The following LETM1 variants were observed in gnomAD, a reference collection of about 807,000 sequenced individuals.
LETM1 encodes mitochondrial proton/calcium exchanger protein.
Under a neutral mutation model 74.5 loss-of-function variants are expected in LETM1, and 50 were observed. The ratio of observed to expected loss-of-function variants is 0.67; its 90% CI spans 0.53 to 0.85. The LOEUF (loss-of-function observed/expected upper bound fraction) is 0.85. Among genes scored for constraint, LETM1 ranks in the 40% least tolerant of loss-of-function variants. The probability of loss-of-function intolerance (pLI) is 0.00; values close to 1 mark genes in which losing one functional copy is unlikely to be tolerated. For synonymous variants in LETM1, 446 were observed against 407.1 expected, an observed-to-expected ratio of 1.10 and a Z score of -1.15; for missense variants, 824 against 967.8, an observed-to-expected ratio of 0.85 and a Z score of 1.97.
chr4:1,823,579 C>T, intron 8 of LETM1, 65 bp downstream of exon 8: 2 of 1,597,260 alleles, frequency 1.3e-6, no homozygotes, highest in South Asian at 1.1e-5. Context: ...ACACCTCCCC[C>T]CACCCCAGAA....
At chr4:1,849,969 C>T (rs531694235) in intron 1 of LETM1, among the ~76,000 whole-genome samples, 2 of 152,302 alleles carry the variant, frequency 1.3e-5, no homozygotes, top group Admixed American at 1.3e-4. Flanking sequence ...CCAGCTTGAC[C>T]AGCGGTGAAA....
At chr4:1,814,617 C>A in intron 13 of LETM1, 44 bp from the exon 14 acceptor site, 4 of 1,574,728 alleles carry the variant, frequency 2.5e-6, no homozygotes, top group Non-Finnish European at 3.5e-6. Flanking sequence ...CTGCGCCCTA[C>A]AGCACAGTGA....
chr4:1,823,442 C>T (rs1430017022), intron 8 of LETM1, among the ~76,000 whole-genome samples: 3 of 132,172 alleles, frequency 2.3e-5, no homozygotes, highest in South Asian at 2.7e-4. Context: ...CTGTGCCACA[C>T]GGGGGATGGC....
chr4:1,841,601 C>T lies in LETM1; in HGVS notation c.340G>A (p.Val114Ile). Residue 114 changes from valine to isoleucine, a missense_variant, in exon 3 of 14, where the codon GTT becomes ATT. Transcript: ENST00000302787. ...TTCTCTACTACCGAGTCATCGCGAA[C>T]AGGGCGCGAAGAGTGCCAGCCACGC... ...PVRGWHSSRP[V>I]RDDSVVEKSL... The T allele has an allele frequency of 6.2e-7, 1 of 1,614,214 alleles. No individual in the cohort carries two copies. Among genetic ancestry groups the T allele is most frequent in the Non-Finnish European group, 8.5e-7 (1 of 1,180,042 alleles).
In LETM1 at chr4:1,841,380, G is replaced by A. The variant is rs201088347; in HGVS notation, c.561C>T (p.Asn187=). ...GCTCCCGGCGGGTCAGGCTGTGGCCGTTGAGGATGCGCCAGAGCATGCGTG... is the reference window on the plus strand; with the variant it reads ...GCTCCCGGCGGGTCAGGCTGTGGCCATTGAGGATGCGCCAGAGCATGCGTG... The part of the protein sequence containing the change: ...IAARMLWRIL[N]GHSLTRRERR... The change falls in exon 3 of 14, where the codon AAC becomes AAT. Residue 187 remains asparagine, a synonymous_variant. Coordinates refer to ENST00000302787, the MANE Select transcript of LETM1 (RefSeq NM_012318.3). 2.0e-5 allele frequency: 32 copies of A among 1,613,636 alleles called. No homozygotes were observed. In the East Asian group the frequency reaches 2.0e-4, roughly 10 times the overall value.
Position 1,837,311 on chromosome 4 carries a change from G to A in LETM1, c.595-739C>T, listed in dbSNP as rs73799012. On this transcript the variant is annotated intron_variant, in intron 3 of 13. Transcript: ENST00000302787. Reference sequence around the variant, plus strand: ...CCTCCTCCTCATCAGCCTCTCTCCCGACCCCGCGCTCATTGAGCCAGCCTC... The same window carrying A: ...CCTCCTCCTCATCAGCCTCTCTCCCAACCCCGCGCTCATTGAGCCAGCCTC... Among the ~76,000 whole-genome samples, 1,086 of 152,136 alleles carry A rather than the reference G, an allele frequency of 7.1e-3. 13 individuals are homozygous for A. The highest frequency in any genetic ancestry group is 0.025 in the African/African-American group (1,037 of 41,496).
At chr4:1,815,510 G>A (rs1008081792) in intron 13 of LETM1, among the ~76,000 whole-genome samples, 154 bp downstream of exon 13, 2 of 152,196 alleles carry the variant, frequency 1.3e-5, no homozygotes, top group Non-Finnish European at 2.9e-5. Flanking sequence ...TGAGAGCAGC[G>A]GCTTAAAGGA....
chr4:1,833,443 G>A (rs376405308), intron 5 of LETM1: 17 of 172,034 alleles, frequency 9.9e-5, no homozygotes, highest in South Asian at 7.0e-4. Context: ...TGGGGGAGAC[G>A]CCCGGGCCCA....
At chr4:1,838,160 C>T (rs534113142) in intron 3 of LETM1, among the ~76,000 whole-genome samples, 2 of 151,850 alleles carry the variant, frequency 1.3e-5, no homozygotes, top group East Asian at 1.9e-4. Context: ...GTGCAGTGGG[C>T]GCGATCTCGG....
intron 2 of LETM1, among the ~76,000 whole-genome samples, chr4:1,848,931 T>C (rs1444597174): frequency 6.6e-6 from 1 of 152,086 alleles, no homozygotes; most frequent in Non-Finnish European, 1.5e-5. Context: ...CAAGTGCAAC[T>C]GGGCACTGAG....
intron 1 of LETM1, among the ~76,000 whole-genome samples, chr4:1,855,288 A>G (rs552312909): frequency 6.6e-6 from 1 of 152,366 alleles, no homozygotes; most frequent in South Asian, 2.1e-4. Flanking sequence ...TTCACTCCAG[A>G]CAGCACCTGA....
At chr4:1,832,068 A>T (rs1712291055) in intron 6 of LETM1, among the ~76,000 whole-genome samples, 1 of 152,200 alleles carries the variant, frequency 6.6e-6, no homozygotes, top group African/African-American at 2.4e-5. Flanking sequence ...TGGGAGGCCG[A>T]TGTGGGCAGA....
intron 2 of LETM1, among the ~76,000 whole-genome samples, 161 bp downstream of exon 2, chr4:1,848,988 C>T (rs1577327908): frequency 6.6e-6 from 1 of 152,256 alleles, no homozygotes; most frequent in East Asian, 1.9e-4. Context: ...AGGCATGTGA[C>T]AATCATTTTC....
At chr4:1,829,678 G>A (rs1248713456) in intron 6 of LETM1, among the ~76,000 whole-genome samples, 3 of 152,152 alleles carry the variant, frequency 2.0e-5, no homozygotes, top group African/African-American at 4.8e-5. Context: ...AAAACTAGCC[G>A]GTGTGGTGGC....
In LETM1 at chr4:1,834,838, A is replaced by T; in HGVS notation, c.876+7T>A. 6.2e-7 allele frequency: 1 copy of T among 1,614,054 alleles called. No homozygotes were observed. The highest frequency in any genetic ancestry group is 8.5e-7 in the Non-Finnish European group (1 of 1,179,940). The stretch of plus-strand genomic sequence containing the variant: ...GAGGTCACAGGGACTCAGACGTATC[A>T]CAGCACCTTCTGGAAAAACACAGAG... On this transcript the variant is annotated splice_region_variant and intron_variant, in intron 5 of 13. Coordinates refer to ENST00000302787, the MANE Select transcript of LETM1 (RefSeq NM_012318.3). The surrounding 1 kb of genome is among the most constrained non-coding windows in gnomAD (Gnocchi z 5.0).
chr4:1,814,374 C>A lies in LETM1; in HGVS notation c.*50G>T. ...CCACAAAGCAATCGCCCTCACGGCC[C>A]TTGCCAGGGTGACGGCACAGCAGGA... is the stretch of plus-strand genomic sequence containing the variant. On this transcript the variant is annotated 3_prime_UTR_variant, in exon 14 of 14. Transcript: ENST00000302787. 6.2e-7 allele frequency: 1 copy of A among 1,612,878 alleles called. No individual in the cohort carries two copies. The highest frequency in any genetic ancestry group is 8.5e-7 in the Non-Finnish European group (1 of 1,178,988).
At chr4:1,838,413 A>G (rs11940992) in intron 3 of LETM1, among the ~76,000 whole-genome samples, 8,053 of 152,136 alleles carry the variant, frequency 0.053, 712 homozygotes, top group African/African-American at 0.18. Flanking sequence ...TATCTTTAAA[A>G]AGGAAGGCCT....
chr4:1,825,713 G>C (rs755173436), intron 6 of LETM1, 30 bp from the exon 7 acceptor site: 2 of 1,588,214 alleles, frequency 1.3e-6, no homozygotes, highest in South Asian at 2.2e-5. Context: ...ATTATCATCT[G>C]GGACAGTTGC....
At position 1,815,052 on chromosome 4, in the gene LETM1, C is replaced by T. The variant is rs188464463; in HGVS notation, c.2071-479G>A. On this transcript the variant is annotated intron_variant, in intron 13 of 13. Transcript: ENST00000302787. Reference sequence around the variant, plus strand: ...AAAATCACTAACCTGATGCATGCACCGGGAGCCACGAGGCAGCTTCCCCTC... The same window carrying T: ...AAAATCACTAACCTGATGCATGCACTGGGAGCCACGAGGCAGCTTCCCCTC... Among the ~76,000 whole-genome samples the T allele has an allele frequency of 4.3e-3, 661 of 152,332 alleles. 3 individuals are homozygous for T. The highest frequency in any genetic ancestry group is 7.5e-3 in the Non-Finnish European group (512 of 68,030).
Sources: gnomAD v4.1 joint callset for allele counts (sites outside exome capture counted in the v4.1 genomes callset) on GRCh38, gnomAD v4.1.1 for gene constraint, Gnocchi (gnomAD v3.1) non-coding constraint, MANE v1.5 for transcripts, NCBI Gene and HGNC (gene_info 2026-07-23, HGNC 2026-07-21) for gene names.